DCUN1D4: variants seen among roughly 807,000 people sequenced by gnomAD.
The protein encoded by DCUN1D4 is DCN1-like protein 4.
Under a neutral mutation model 47.9 loss-of-function variants are expected in DCUN1D4, and 22 were observed. The ratio of observed to expected loss-of-function variants is 0.46; its 90% CI spans 0.33 to 0.66. The LOEUF is 0.66. DCUN1D4 is among the 30% of genes least tolerant of loss of function. The pLI is 0.02. For missense variants in DCUN1D4, 301 were observed against 340.8 expected (o/e 0.88, Z 0.92); for synonymous variants, 121 against 112.2 (o/e 1.08, Z -0.50).
chr4:51,881,092 C>T (rs1172076214), intron 5 of DCUN1D4, among the ~76,000 whole-genome samples: 1 of 152,052 alleles, frequency 6.6e-6, no homozygotes. Context: ...TGCGCCACTG[C>T]ACTCCAGCCT....
intron 7 of DCUN1D4, among the ~76,000 whole-genome samples, chr4:51,898,156 T>C (rs1340807712): frequency 6.6e-6 from 1 of 152,202 alleles, no homozygotes; most frequent in Non-Finnish European, 1.5e-5. Context: ...TATTTTATTC[T>C]CAGTTCCTAG....
upstream of DCUN1D4, chr4:51,843,131 G>T: frequency 6.7e-7 from 1 of 1,494,562 alleles, no homozygotes; most frequent in Non-Finnish European, 8.9e-7. Context: ...GGCGGGCTGG[G>T]AGTGCCCGGC....
chr4:51,860,052 A>G (rs1724806513), intron 1 of DCUN1D4, among the ~76,000 whole-genome samples: 1 of 152,226 alleles, frequency 6.6e-6, no homozygotes, highest in South Asian at 2.1e-4. Context: ...AGCATTGAAC[A>G]GATGAACTGT....
At chr4:51,848,089 TTTCA>T in intron 1 of DCUN1D4, 1 of 717,134 alleles carries the variant, frequency 1.4e-6, no homozygotes, top group South Asian at 1.8e-5. Flanking sequence ...TCCTGTTGTC[TTTCA>T]TTATCTTTAG....
At chr4:51,876,063 G>T (rs1323963440) in intron 4 of DCUN1D4, among the ~76,000 whole-genome samples, 1 of 152,006 alleles carries the variant, frequency 6.6e-6, no homozygotes, top group Non-Finnish European at 1.5e-5. Context: ...TTATAACCAT[G>T]TACTTTTTTT....
chr4:51,865,092 A>G (rs977071098), intron 3 of DCUN1D4: 60 of 227,816 alleles, frequency 2.6e-4, no homozygotes, highest in Non-Finnish European at 1.9e-4. Flanking sequence ...AACCTCTTTC[A>G]GTGTCATCCA....
rs548235462 is a variant in DCUN1D4, at chr4:51,880,847, C to G, written c.343+2993C>G. ...TTTGTTTCATTAGAATGAAGACAAC[C>G]AGGCTGGGCATGGTGACTCACGCCT... On this transcript the variant is annotated intron_variant, in intron 5 of 10. Transcript: ENST00000334635. Among the ~76,000 whole-genome samples, 16 of 152,180 alleles carry G rather than the reference C, an allele frequency of 1.1e-4. No homozygotes were observed. In the East Asian group the frequency reaches 3.1e-3, roughly 29 times the overall value.
At chr4:51,866,870 T>TTC (rs1179026926) in intron 3 of DCUN1D4, among the ~76,000 whole-genome samples, 1 of 152,198 alleles carries the variant, frequency 6.6e-6, no homozygotes, top group Non-Finnish European at 1.5e-5. Context: ...AGCCGGAAAC[T>TTC]TCTGTGGCTG....
intron 3 of DCUN1D4, among the ~76,000 whole-genome samples, chr4:51,871,523 G>C (rs1726897847): frequency 6.6e-6 from 1 of 152,204 alleles, no homozygotes; most frequent in South Asian, 2.1e-4. Context: ...GAGGCGATAA[G>C]TGCATTTTCT....
chr4:51,911,238 C>T (rs1733673295), intron 9 of DCUN1D4, 64 bp downstream of exon 9: 3 of 1,425,968 alleles, frequency 2.1e-6, no homozygotes, highest in South Asian at 2.4e-5. Context: ...TAACTTTATT[C>T]ACCCGTTGTA....
At chr4:51,871,479 G>A (rs1726891678) in intron 3 of DCUN1D4, among the ~76,000 whole-genome samples, 1 of 152,128 alleles carries the variant, frequency 6.6e-6, no homozygotes. Context: ...TGGTGTAGAC[G>A]TTATTTTAAA....
intron 1 of DCUN1D4, among the ~76,000 whole-genome samples, chr4:51,847,618 CT>C (rs1013583224): frequency 6.6e-6 from 1 of 150,678 alleles, no homozygotes; most frequent in African/African-American, 2.4e-5. Flanking sequence ...ATTTTTCTTT[CT>C]TTTTTGTTTT....
Position 51,915,999 on chromosome 4 carries a change from G to A in DCUN1D4, c.*2415G>A, listed in dbSNP as rs1578078909. 6.6e-6 allele frequency: 1 copy of A among 152,154 alleles called. No individual in the cohort carries two copies. Among genetic ancestry groups the A allele is most frequent in the South Asian group, 2.1e-4 (1 of 4,820 alleles). 9.4% of individuals were successfully genotyped at this position (152,154 alleles called of 1,614,324 possible). A position where few individuals can be genotyped will look rare whatever the true frequency, so the allele number is the denominator to read the frequency against. Reference sequence around the variant, plus strand: ...ATATTTATTTCTAAGGGGAGAAAAAGGGGTCAGACAGAGTAATATGATACA... The same window carrying A: ...ATATTTATTTCTAAGGGGAGAAAAAAGGGTCAGACAGAGTAATATGATACA... On this transcript the variant is annotated 3_prime_UTR_variant, in exon 11 of 11. Coordinates refer to ENST00000334635, the MANE Select transcript of DCUN1D4 (RefSeq NM_001040402.3).
At chr4:51,875,874 C>T (rs1262332625) in intron 4 of DCUN1D4, among the ~76,000 whole-genome samples, 1 of 152,048 alleles carries the variant, frequency 6.6e-6, no homozygotes, top group Non-Finnish European at 1.5e-5. Context: ...TATATAGTGT[C>T]TCCAAGTTAT....
chr4:51,879,901 T>G (rs1305988649), intron 5 of DCUN1D4, among the ~76,000 whole-genome samples: 1 of 152,218 alleles, frequency 6.6e-6, no homozygotes, highest in African/African-American at 2.4e-5. Flanking sequence ...CTTTTCTTCT[T>G]GTTTGCCTTT....
chr4:51,881,987 G>A (rs966781435), intron 5 of DCUN1D4, among the ~76,000 whole-genome samples: 16 of 152,108 alleles, frequency 1.1e-4, no homozygotes, highest in African/African-American at 3.9e-4. Flanking sequence ...GGGCAATATA[G>A]TGAGACCCCA....
upstream of DCUN1D4, among the ~76,000 whole-genome samples, chr4:51,842,674 A>T (rs1721788669): frequency 1.3e-5 from 2 of 152,290 alleles, no homozygotes; most frequent in South Asian, 2.1e-4. Flanking sequence ...GCCGGGCGCT[A>T]GGGACGGACG....
intron 5 of DCUN1D4, chr4:51,885,001 A>G (rs1364393298): frequency 6.6e-6 from 1 of 152,190 alleles, no homozygotes; most frequent in Non-Finnish European, 1.5e-5. Flanking sequence ...TTCATCCAGC[A>G]ATATTTATTG....
chr4:51,837,654 CAAAAAAAAAAA>C, the DCUN1D4 span, among the ~76,000 whole-genome samples: 105 of 46,194 alleles, frequency 2.3e-3, no homozygotes, highest in East Asian at 0.011. Flanking sequence ...GACTCCGTCT[CAAAAAAAAAAA>C]AAAAAAAAAA....
Sources: gnomAD v4.1 joint callset for allele counts (sites outside exome capture counted in the v4.1 genomes callset) on GRCh38, gnomAD v4.1.1 for gene constraint, MANE v1.5 for transcripts, NCBI Gene and HGNC (gene_info 2026-07-23, HGNC 2026-07-21) for gene names.